NFYC: variants seen among roughly 807,000 people sequenced by gnomAD.
NFYC encodes CAAT box DNA-binding protein subunit C.
In NFYC, 25 loss-of-function variants were observed where a neutral mutation model predicts 53.1. The ratio of observed to expected loss-of-function variants is 0.47; its 90% CI spans 0.34 to 0.66. The LOEUF is 0.66. Among genes scored for constraint, NFYC ranks in the 30% least tolerant of loss-of-function variants. NFYC has a pLI of 0.01. For missense variants in NFYC, 260 were observed against 422.7 expected, an observed-to-expected ratio of 0.62 and a Z score of 3.38; for synonymous variants, 145 against 152.6, an observed-to-expected ratio of 0.95 and a Z score of 0.37.
intron 6 of NFYC, among the ~76,000 whole-genome samples, chr1:40,760,148 G>T (rs1443468549): frequency 3.9e-5 from 6 of 152,060 alleles, no homozygotes; most frequent in Non-Finnish European, 7.4e-5. Context: ...GTGGAGATGG[G>T]GTCTCATTAT....
At chr1:40,727,063 A>G (rs570803115) in intron 1 of NFYC, among the ~76,000 whole-genome samples, 5 of 152,256 alleles carry the variant, frequency 3.3e-5, no homozygotes, top group Admixed American at 6.5e-5. Flanking sequence ...TTCTCTTGCT[A>G]TTTCTACCAC....
Position 40,771,080 on chromosome 1 carries a change from T to C in NFYC, c.*252T>C. ...TTCAATATGTTGAGTGTGTGTCCAA[T>C]GCTATGAAATTAAAATATTAAATAA... is the stretch of plus-strand genomic sequence containing the variant. On this transcript the variant is annotated 3_prime_UTR_variant, in exon 10 of 10. Transcript: ENST00000447388. 1.8e-6 allele frequency: 1 copy of C among 541,882 alleles called. No individual in the cohort carries two copies. Among genetic ancestry groups the C allele is most frequent in the Non-Finnish European group, 3.3e-6 (1 of 306,338 alleles). 33.6% of individuals were successfully genotyped at this position (541,882 alleles called of 1,614,324 possible). A position where few individuals can be genotyped will look rare whatever the true frequency, so the allele number is the denominator to read the frequency against.
chr1:40,703,948 A>G (rs772115990), intron 1 of NFYC, among the ~76,000 whole-genome samples: 1 of 152,238 alleles, frequency 6.6e-6, no homozygotes, highest in Non-Finnish European at 1.5e-5. Flanking sequence ...ATATGCAGCT[A>G]GTAAGCAGGT....
intron 1 of NFYC, among the ~76,000 whole-genome samples, chr1:40,727,589 G>A (rs1181103036): frequency 2.0e-5 from 3 of 148,298 alleles, no homozygotes; most frequent in Non-Finnish European, 3.0e-5. Context: ...GGAGTGCAGT[G>A]GCACGATTTC....
At chr1:40,710,839 A>G (rs1486532626) in intron 1 of NFYC, among the ~76,000 whole-genome samples, 1 of 152,222 alleles carries the variant, frequency 6.6e-6, no homozygotes, top group Non-Finnish European at 1.5e-5. Flanking sequence ...TGCTTGCAAA[A>G]GTGACCTTGA....
rs565168796 is a variant in NFYC, at chr1:40,693,984, C to T, written c.-9+2117C>T. Reference sequence around the variant, plus strand: ...CTTCTATTGTGAAAGGGAAGATTTACCAAGTAAATTGCTGCATTTTTTCCT... The same window carrying T: ...CTTCTATTGTGAAAGGGAAGATTTATCAAGTAAATTGCTGCATTTTTTCCT... On this transcript the variant is annotated intron_variant, in intron 1 of 9. Coordinates refer to ENST00000447388, the MANE Select transcript of NFYC (RefSeq NM_014223.5). Among the ~76,000 whole-genome samples the T allele has an allele frequency of 3.3e-5, 5 of 152,288 alleles. No individual in the cohort carries two copies. The East Asian group carries it at 9.6e-4, about 29-fold the overall frequency.
chr1:40,706,807 A>G (rs546573981), intron 1 of NFYC, among the ~76,000 whole-genome samples: 26 of 152,350 alleles, frequency 1.7e-4, no homozygotes, highest in East Asian at 3.9e-4. Flanking sequence ...AATGTTTTCA[A>G]TAACCACAGT....
At chr1:40,724,785 A>G (rs1301860808) in intron 1 of NFYC, among the ~76,000 whole-genome samples, 1 of 151,468 alleles carries the variant, frequency 6.6e-6, no homozygotes, top group Non-Finnish European at 1.5e-5. Context: ...ATATTGTACT[A>G]GATACCAAAT....
Position 40,762,938 on chromosome 1 carries a change from C to A in NFYC, c.612C>A (p.Val204=). ...GAGAAGGTCAGCAGGTGCAGATTGT[C>A]CAGGCTCAGCCACAGGGTCAAGCCC... ...QVGEGQQVQI[V]QAQPQGQAQQ... is the part of the protein sequence containing the mutation. The change falls in exon 7 of 10, where the codon GTC becomes GTA. Residue 204 remains valine, a synonymous_variant. Transcript: ENST00000447388. 1.2e-6 allele frequency: 2 copies of A among 1,611,416 alleles called. No homozygotes were observed. The highest frequency in any genetic ancestry group is 1.7e-6 in the Non-Finnish European group (2 of 1,178,598).
chr1:40,707,704 T>G, intron 1 of NFYC, among the ~76,000 whole-genome samples: 1 of 150,108 alleles, frequency 6.7e-6, no homozygotes. Context: ...GCGGGGGTGG[T>G]AGCACACACC....
Position 40,770,721 on chromosome 1 carries a change from A to C in NFYC, c.901A>C (p.Ile301Leu). ...CCACCCCTCGCAGCAGCTCTACCAGATCCAGCAAGTCACCATGCCTGCGGG... is the reference window on the plus strand; with the variant it reads ...CCACCCCTCGCAGCAGCTCTACCAGCTCCAGCAAGTCACCATGCCTGCGGG... ...QFTDGQQLYQ[I>L]QQVTMPAGQD... Residue 301 changes from isoleucine to leucine, a missense_variant, in exon 10 of 10, where the codon ATC becomes CTC. Transcript: ENST00000447388. The surrounding 1 kb of genome is among the most constrained non-coding windows in gnomAD (Gnocchi z 5.3). 6.2e-7 allele frequency: 1 copy of C among 1,614,050 alleles called. No homozygotes were observed. The highest frequency in any genetic ancestry group is 1.3e-5 in the African/African-American group (1 of 75,008).
intron 8 of NFYC, chr1:40,768,576 A>G (rs1464615593): frequency 1.3e-5 from 2 of 152,260 alleles, no homozygotes; most frequent in South Asian, 2.1e-4. Flanking sequence ...CAAATGTTCC[A>G]TAGGAACACA....
chr1:40,752,871 A>G (rs1045141099), intron 4 of NFYC, among the ~76,000 whole-genome samples: 2 of 152,010 alleles, frequency 1.3e-5, no homozygotes, highest in African/African-American at 4.8e-5. Context: ...TAATTTGAAA[A>G]TCGCGGGGAG....
intron 2 of NFYC, among the ~76,000 whole-genome samples, chr1:40,740,808 G>A (rs181950872): frequency 6.6e-6 from 1 of 152,254 alleles, no homozygotes; most frequent in East Asian, 1.9e-4. Context: ...GGCCAATCGA[G>A]CAAGTCTGTG....
At chr1:40,759,247 AAAG>A (rs1646402772) in intron 6 of NFYC, among the ~76,000 whole-genome samples, 1 of 151,320 alleles carries the variant, frequency 6.6e-6, no homozygotes, top group South Asian at 2.1e-4. Flanking sequence ...AAAAAAAAAA[AAAG>A]GCAGGGGCAT....
chr1:40,695,693 T>G (rs981868861), intron 1 of NFYC: 1 of 152,166 alleles, frequency 6.6e-6, no homozygotes, highest in Non-Finnish European at 1.5e-5. Flanking sequence ...AGTGCTGGGA[T>G]TATAGGCGTG....
chr1:40,715,112 A>G (rs1236519862), intron 1 of NFYC, among the ~76,000 whole-genome samples: 2 of 141,030 alleles, frequency 1.4e-5, no homozygotes, highest in East Asian at 4.3e-4. Context: ...AAATAAATAA[A>G]TAATAATTTG....
intron 5 of NFYC, among the ~76,000 whole-genome samples, chr1:40,756,258 G>A (rs536957787): frequency 1.3e-5 from 2 of 152,288 alleles, no homozygotes; most frequent in South Asian, 4.2e-4. Flanking sequence ...TTTCCAGGCT[G>A]ACATTTATTT....
rs183056269 is a variant in NFYC at position 40,741,523 on chromosome 1, C to T, written c.105+2575C>T. ...TAAGTAGAACAACATCTGTATTTGT[C>T]TTTTTGTCTTATCTTATTTCACTTA... On this transcript the variant is annotated intron_variant, in intron 2 of 9. Transcript: ENST00000447388. Among the ~76,000 whole-genome samples, 862 of 151,932 alleles carry T rather than the reference C, an allele frequency of 5.7e-3. 4 individuals carry two copies. Among genetic ancestry groups the T allele is most frequent in the Non-Finnish European group, 0.011 (722 of 67,942 alleles).
Sources: allele counts gnomAD v4.1 joint callset (sites outside exome capture counted in the v4.1 genomes callset), GRCh38; gene constraint gnomAD v4.1.1; non-coding constraint Gnocchi (gnomAD v3.1); transcripts MANE v1.5; gene names NCBI Gene and HGNC (gene_info 2026-07-23, HGNC 2026-07-21).